PDE1A: variants seen among roughly 807,000 people sequenced by gnomAD.
The protein encoded by PDE1A is dual specificity calcium/calmodulin-dependent 3',5'-cyclic nucleotide phosphodiesterase 1A.
PDE1A carries 35 observed loss-of-function variants against 61.7 expected under a neutral mutation model. The ratio of observed to expected loss-of-function variants is 0.57; its 90% CI spans 0.43 to 0.75. PDE1A has a LOEUF of 0.75. Among genes scored for constraint, PDE1A ranks in the 30% least tolerant of loss-of-function variants. The pLI is 0.00. For synonymous variants in PDE1A, 232 were observed against 213.2 expected (o/e 1.09, Z -0.77); for missense variants, 597 against 630.6 (o/e 0.95, Z 0.57).
At chr2:182,607,935 T>C in the PDE1A span, among the ~76,000 whole-genome samples, 1 of 152,208 alleles carries the variant, frequency 6.6e-6, no homozygotes, top group Non-Finnish European at 1.5e-5. Flanking sequence ...TTCAGAGTTA[T>C]CGTACATTTG....
chr2:182,292,293 C>T (rs1694590057), intron 1 of PDE1A, among the ~76,000 whole-genome samples: 1 of 151,702 alleles, frequency 6.6e-6, no homozygotes, highest in South Asian at 2.1e-4. Context: ...ATATTTTATG[C>T]CTAAATTTTC....
chr2:182,361,906 T>G (rs1165945299), intron 1 of PDE1A, among the ~76,000 whole-genome samples: 1 of 152,010 alleles, frequency 6.6e-6, no homozygotes, highest in Non-Finnish European at 1.5e-5. Flanking sequence ...CCAAGTTCTT[T>G]GATTGAGGAC....
At chr2:182,429,936 T>C (rs1703846792), upstream of PDE1A, among the ~76,000 whole-genome samples, 1 of 152,158 alleles carries the variant, frequency 6.6e-6, no homozygotes, top group South Asian at 2.1e-4. Context: ...TCTAGTCAAA[T>C]AGGACGTGAG....
the PDE1A span, among the ~76,000 whole-genome samples, chr2:182,649,836 C>A: frequency 1.3e-5 from 2 of 152,226 alleles, no homozygotes; most frequent in Admixed American, 6.5e-5. Flanking sequence ...TCTTAAACTC[C>A]TGACCTTGTG....
At chr2:182,437,358 T>C (rs1358147981) in intron 2 of PDE1A, among the ~76,000 whole-genome samples, 2 of 151,962 alleles carry the variant, frequency 1.3e-5, no homozygotes, top group African/African-American at 2.4e-5. Context: ...ACCGTAAAAA[T>C]AATTAATTGA....
chr2:182,301,936 T>C (rs1460074626), intron 1 of PDE1A, among the ~76,000 whole-genome samples: 1 of 152,164 alleles, frequency 6.6e-6, no homozygotes, highest in Non-Finnish European at 1.5e-5. Flanking sequence ...AGGGGCATGA[T>C]GATTATTAAT....
chr2:182,601,514 A>G, the PDE1A span, among the ~76,000 whole-genome samples: 221 of 152,246 alleles, frequency 1.5e-3, no homozygotes, highest in African/African-American at 5.2e-3. Flanking sequence ...TCTGTTACAG[A>G]TCTTCTAGAC....
upstream of PDE1A, chr2:182,522,767 A>C (rs1457086420): frequency 3.0e-6 from 2 of 670,602 alleles, no homozygotes; most frequent in East Asian, 2.6e-4. Flanking sequence ...ATTATGCACA[A>C]GAGAAACGTG....
chr2:182,508,015 G>A (rs1298242348), intron 2 of PDE1A, among the ~76,000 whole-genome samples: 3 of 151,588 alleles, frequency 2.0e-5, no homozygotes, highest in Non-Finnish European at 2.9e-5. Flanking sequence ...TTGACTTCAG[G>A]GAAGAGCATT....
chr2:182,484,979 C>T (rs1035014846), intron 2 of PDE1A, among the ~76,000 whole-genome samples: 1 of 151,926 alleles, frequency 6.6e-6, no homozygotes, highest in Admixed American at 6.6e-5. Context: ...GAACTAAAAG[C>T]AGGCTTACCA....
the PDE1A span, among the ~76,000 whole-genome samples, chr2:182,557,963 C>G: frequency 1.3e-5 from 2 of 152,030 alleles, no homozygotes; most frequent in South Asian, 4.1e-4. Context: ...ACTTTAGGAA[C>G]TTTTCTTTAT....
At chr2:182,698,431 T>A in the PDE1A span, among the ~76,000 whole-genome samples, 1 of 152,108 alleles carries the variant, frequency 6.6e-6, no homozygotes, top group East Asian at 1.9e-4. Flanking sequence ...AAGGAAAACA[T>A]GGAAACAACT....
intron 1 of PDE1A, among the ~76,000 whole-genome samples, chr2:182,380,989 G>A (rs1559397674): frequency 6.6e-6 from 1 of 152,174 alleles, no homozygotes; most frequent in Non-Finnish European, 1.5e-5. Context: ...TCGTAGTCAA[G>A]ATTACTAGCC....
chr2:182,253,277 C>G (rs1691536108), intron 2 of PDE1A, among the ~76,000 whole-genome samples: 1 of 152,134 alleles, frequency 6.6e-6, no homozygotes, highest in South Asian at 2.1e-4. Context: ...GAAAGTGGCT[C>G]AAATAATGTA....
the PDE1A span, among the ~76,000 whole-genome samples, chr2:182,609,345 A>G: frequency 2.0e-5 from 3 of 152,338 alleles, no homozygotes; most frequent in African/African-American, 7.2e-5. Flanking sequence ...ATAAGAGAAT[A>G]AAAGCAGGCT....
intron 2 of PDE1A, among the ~76,000 whole-genome samples, chr2:182,472,715 A>G (rs1051521329): frequency 6.6e-6 from 1 of 151,870 alleles, no homozygotes; most frequent in African/African-American, 2.4e-5. Flanking sequence ...TACAAATAAA[A>G]AAGCTCATTT....
intron 2 of PDE1A, chr2:182,241,754 A>C: frequency 8.2e-7 from 1 of 1,224,922 alleles, no homozygotes. Context: ...TATACATATA[A>C]CGATAAAAAA....
chr2:182,462,173 G>A (rs992985682), intron 2 of PDE1A, among the ~76,000 whole-genome samples: 9 of 151,900 alleles, frequency 5.9e-5, no homozygotes, highest in Non-Finnish European at 7.4e-5. Context: ...GGGGAGCGGG[G>A]AGGGAAAGCA....
At chr2:182,364,488 A>AAAAAC (rs1699717942) in intron 1 of PDE1A, among the ~76,000 whole-genome samples, 2 of 145,164 alleles carry the variant, frequency 1.4e-5, no homozygotes, top group African/African-American at 5.1e-5. Flanking sequence ...AAAAAAAAAA[A>AAAAAC]AAAAAAAAAA....
Sources: allele counts gnomAD v4.1 joint callset (sites outside exome capture counted in the v4.1 genomes callset), GRCh38; gene constraint gnomAD v4.1.1; transcripts MANE v1.5; gene names NCBI Gene and HGNC (gene_info 2026-07-23, HGNC 2026-07-21).